The following PSAT1 variants were observed in gnomAD, a reference collection of about 807,000 sequenced individuals.
PSAT1 encodes phosphoserine aminotransferase 1.
In PSAT1, 41 loss-of-function variants were observed where a neutral mutation model predicts 40.3. That is an observed-to-expected ratio of 1.02 (90% CI 0.79 to 1.32). The LOEUF is 1.32. Ranked by LOEUF, PSAT1 falls within the 40% of genes most tolerant of loss-of-function variation. The probability of loss-of-function intolerance (pLI) is 0.00; values close to 1 mark genes in which losing one functional copy is unlikely to be tolerated. For synonymous variants in PSAT1, 147 were observed against 170.5 expected (o/e 0.86, Z 1.07); for missense variants, 406 against 455.8 (o/e 0.89, Z 0.99).
Position 78,304,866 on chromosome 9 carries a change from C to T in PSAT1, c.323C>T (p.Ser108Leu). 1 of 1,614,116 alleles carries T rather than the reference C, an allele frequency of 6.2e-7. No individual in the cohort carries two copies. Among genetic ancestry groups the T allele is most frequent in the African/African-American group, 1.3e-5 (1 of 75,062 alleles). The change falls in exon 4 of 9, where the codon TCA (serine) becomes TTA (leucine). Residue 108 changes from serine to leucine, a missense_variant. Ser to Leu is a moderately radical substitution (Grantham distance 145). Coordinates refer to ENST00000376588, the MANE Select transcript of PSAT1 (RefSeq NM_058179.4). ...GACTATGTGGTGACAGGAGCTTGGT[C>T]AGCTAAGGCCGCAGAAGAAGCCAAG... ...CADYVVTGAW[S>L]AKAAEEAKKF...
chr9:78,317,810 T>A lies in PSAT1; in HGVS notation c.869+6T>A, dbSNP rs754005859. ...AATTCTCAAGGATTCTACGTGTAAG[T>A]CAATGGATTTTATCTCCTATTTTGC... is the stretch of plus-strand genomic sequence containing the variant. On this transcript the variant is annotated splice_donor_region_variant and intron_variant, in intron 7 of 8. Transcript: ENST00000376588. The A allele has an allele frequency of 6.2e-7, 1 of 1,612,024 alleles. No individual in the cohort carries two copies. The highest frequency in any genetic ancestry group is 2.2e-5 in the East Asian group (1 of 44,884).
At chr9:78,311,394 G>T (rs1828265256) in intron 6 of PSAT1, among the ~76,000 whole-genome samples, 1 of 152,198 alleles carries the variant, frequency 6.6e-6, no homozygotes, top group Non-Finnish European at 1.5e-5. Context: ...GAGAAGGTGG[G>T]AGGGGGCAGG....
In PSAT1 at chr9:78,329,480, A is replaced by AGGTG; in HGVS notation, c.*394_*395insGGTG. 3.4e-6 allele frequency: 1 copy of AGGTG among 296,670 alleles called. No homozygotes were observed. The highest frequency in any genetic ancestry group is 3.3e-5 in the South Asian group (1 of 30,498). 18.4% of individuals were successfully genotyped at this position (296,670 alleles called of 1,614,324 possible). ...GGGGGGCCCTCTAGGTGCTGAATCTACACATCTGTGGGGTCTCCTGGGTTC... is the reference window on the plus strand; with the variant it reads ...GGGGGGCCCTCTAGGTGCTGAATCTAGGTGCACATCTGTGGGGTCTCCTGGGTTC... On this transcript the variant is annotated 3_prime_UTR_variant, in exon 9 of 9. Coordinates refer to ENST00000376588, the MANE Select transcript of PSAT1 (RefSeq NM_058179.4).
At chr9:78,300,710 C>CTTTTTTTT (rs753207413) in intron 2 of PSAT1, 48 bp downstream of exon 2, 4 of 1,107,736 alleles carry the variant, frequency 3.6e-6, no homozygotes, top group Admixed American at 5.5e-5. Context: ...TCAAAGGAAG[C>CTTTTTTTT]TTTTTTTTTT....
chr9:78,321,436 GC>G (rs1828427869), intron 7 of PSAT1, among the ~76,000 whole-genome samples: 1 of 152,136 alleles, frequency 6.6e-6, no homozygotes, highest in Admixed American at 6.5e-5. Context: ...GAGCAACATG[GC>G]CCCATGGGAG....
chr9:78,320,682 TCCAACCG>T (rs1294808688), intron 7 of PSAT1, among the ~76,000 whole-genome samples: 26 of 45,110 alleles, frequency 5.8e-4, no homozygotes, highest in Non-Finnish European at 1.8e-3. Flanking sequence ...TGTCCATCCA[TCCAACCG>T]TCCATCCATC....
Position 78,297,145 on chromosome 9 carries a change from C to T in PSAT1, c.-66C>T, listed in dbSNP as rs1828036395. ...CGGCTGCAGACTCTCACCGCAGCGG[C>T]CAGGAACGCCAGCCGTTCACGCGTT... On this transcript the variant is annotated 5_prime_UTR_variant, in exon 1 of 9. Transcript: ENST00000376588. 1.3e-6 allele frequency: 2 copies of T among 1,505,220 alleles called. No homozygotes were observed. The highest frequency in any genetic ancestry group is 1.4e-5 in the African/African-American group (1 of 72,546). 93.2% of individuals were successfully genotyped at this position (1,505,220 alleles called of 1,614,324 possible). A position where few individuals can be genotyped will look rare whatever the true frequency, so the allele number is the denominator to read the frequency against.
rs1242817260 is a variant in PSAT1, at chr9:78,327,147, G to A, written c.870-904G>A. On this transcript the variant is annotated intron_variant, in intron 7 of 8. Transcript: ENST00000376588. ...ATTTTTGTATTTTTTTTTTTCAGTC[G>A]AGATGGGGTTTCACCATGTTAATCA... Among the ~76,000 whole-genome samples the A allele has an allele frequency of 6.0e-5, 9 of 149,640 alleles. No homozygotes were observed. In the Admixed American group the frequency reaches 6.0e-4, roughly 10 times the overall value.
chr9:78,304,927 T>C lies in PSAT1; in HGVS notation c.384T>C (p.Leu128=). ...CTATAAATATCGTTCACCCTAAACT[T>C]GGGAGTTATACAAGTAAGTTCTGGG... The part of the protein sequence containing the change: ...FGTINIVHPK[L]GSYTKIPDPS... The change falls in exon 4 of 9, where the codon CTT becomes CTC. Residue 128 remains leucine, a synonymous_variant. Coordinates refer to ENST00000376588, the MANE Select transcript of PSAT1 (RefSeq NM_058179.4). 1.2e-6 allele frequency: 2 copies of C among 1,612,454 alleles called. No homozygotes were observed. Among genetic ancestry groups the C allele is most frequent in the Non-Finnish European group, 1.7e-6 (2 of 1,180,016 alleles).
At chr9:78,320,381 C>G in intron 7 of PSAT1, among the ~76,000 whole-genome samples, 1 of 150,802 alleles carries the variant, frequency 6.6e-6, no homozygotes, top group African/African-American at 2.4e-5. Flanking sequence ...TCCATCCATT[C>G]ACCCACCCAT....
intron 7 of PSAT1, among the ~76,000 whole-genome samples, chr9:78,318,610 C>G (rs1465233793): frequency 6.6e-6 from 1 of 152,222 alleles, no homozygotes; most frequent in African/African-American, 2.4e-5. Context: ...GGCTGCATCA[C>G]TCCAGCCTCC....
intron 4 of PSAT1, among the ~76,000 whole-genome samples, chr9:78,305,456 T>C (rs894276673): frequency 6.6e-6 from 1 of 152,172 alleles, no homozygotes; most frequent in Non-Finnish European, 1.5e-5. Flanking sequence ...TAGTTAGTAG[T>C]AGTTTTTCAG....
intron 6 of PSAT1, among the ~76,000 whole-genome samples, chr9:78,310,897 C>T (rs894909619): frequency 2.6e-5 from 4 of 152,066 alleles, no homozygotes; most frequent in African/African-American, 4.8e-5. Context: ...CGTGAGCCAC[C>T]GCCGGAATTT....
In PSAT1 at chr9:78,329,620, C is replaced by T. The variant is rs1828552135; in HGVS notation, c.*534C>T. The stretch of plus-strand genomic sequence containing the variant: ...CTGTTATTACAGGAGAAGTGACATA[C>T]TTTATATATGTTTATATTAGCAAGG... On this transcript the variant is annotated 3_prime_UTR_variant, in exon 9 of 9. Transcript: ENST00000376588. 1.2e-5 allele frequency: 2 copies of T among 161,968 alleles called. No homozygotes were observed. The highest frequency in any genetic ancestry group is 5.8e-5 in the Admixed American group (1 of 17,252). 10.0% of individuals were successfully genotyped at this position (161,968 alleles called of 1,614,324 possible). A position where few individuals can be genotyped will look rare whatever the true frequency, so the allele number is the denominator to read the frequency against.
chr9:78,317,732 C>T lies in PSAT1; in HGVS notation c.797C>T (p.Ala266Val), dbSNP rs779731736. The T allele has an allele frequency of 1.2e-6, 2 of 1,613,636 alleles. No individual in the cohort carries two copies. The highest frequency in any genetic ancestry group is 4.5e-5 in the East Asian group (2 of 44,882). The change falls in exon 7 of 9, where the codon GCC becomes GTC. Residue 266 changes from alanine (A) to valine (V), a missense_variant. By Grantham distance (64) the Ala-to-Val change is moderately conservative. Coordinates refer to ENST00000376588, the MANE Select transcript of PSAT1 (RefSeq NM_058179.4). Reference protein sequence around the residue: ...EWIKNNGGAAAMEKLSSIKSQ... With the variant: ...EWIKNNGGAAVMEKLSSIKSQ... ...ATTAAAAACAATGGAGGTGCCGCGGCCATGGAGAAGCTTAGCTCCATCAAA... is the reference window on the plus strand; with the variant it reads ...ATTAAAAACAATGGAGGTGCCGCGGTCATGGAGAAGCTTAGCTCCATCAAA...
intron 2 of PSAT1, among the ~76,000 whole-genome samples, chr9:78,301,032 C>T (rs1828100580): frequency 1.3e-5 from 2 of 152,122 alleles, no homozygotes; most frequent in Admixed American, 1.3e-4. Flanking sequence ...GCCACTGAGC[C>T]CTGGCCCAAA....
At chr9:78,298,457 G>A (rs1033481666) in intron 1 of PSAT1, 12 of 983,020 alleles carry the variant, frequency 1.2e-5, no homozygotes, top group African/African-American at 7.0e-5. Context: ...TAGGGGCAGC[G>A]CTCACAGTAG....
At chr9:78,317,836 C>T (rs1458530231) in intron 7 of PSAT1, 32 bp downstream of exon 7, 6 of 1,607,508 alleles carry the variant, frequency 3.7e-6, no homozygotes, top group Non-Finnish European at 5.1e-6. Flanking sequence ...CCTATTTTGC[C>T]TCTTGTGAAT....
chr9:78,298,164 C>CG, intron 1 of PSAT1: 2 of 265,108 alleles, frequency 7.5e-6, no homozygotes, highest in Non-Finnish European at 1.2e-5. Flanking sequence ...GGCTCCTCCC[C>CG]TCCCCCGCCA....
Sources: gnomAD v4.1 joint callset for allele counts (sites outside exome capture counted in the v4.1 genomes callset) on GRCh38, gnomAD v4.1.1 for gene constraint, MANE v1.5 for transcripts, NCBI Gene and HGNC (gene_info 2026-07-23, HGNC 2026-07-21) for gene names.